The following CLSTN1 variants were observed in gnomAD, a reference collection of about 807,000 sequenced individuals.
CLSTN1 encodes the protein calsyntenin-1.
Under a neutral mutation model 108.3 loss-of-function variants are expected in CLSTN1, and 28 were observed. The observed-to-expected ratio is 0.26, with a 90% CI of 0.19 to 0.35. The LOEUF (loss-of-function observed/expected upper bound fraction) is 0.35. Ranked by LOEUF, CLSTN1 falls within the 10% of genes least tolerant of loss-of-function variation. The pLI is 1.00. For synonymous variants in CLSTN1, 524 were observed against 534.9 expected (o/e 0.98, Z 0.28); for missense variants, 1,157 against 1,302.6 (o/e 0.89, Z 1.72).
rs146218888 is a variant in CLSTN1, at chr1:9,743,874, A to G, written c.1356+10T>C. On this transcript the variant is annotated intron_variant, in intron 9 of 18. Transcript: ENST00000377298. ...GCCCGGCCCTATTAGTGCGTTTTCA[A>G]TTCACTCACCTGATTCAACTTCCAG... The G allele has an allele frequency of 1.5e-3, 2,352 of 1,613,730 alleles. 2 individuals carry two copies. The highest frequency in any genetic ancestry group is 1.8e-3 in the Non-Finnish European group (2,065 of 1,179,780).
At chr1:9,786,648 CAAAAAAAAAAAA>C (rs36003203) in intron 1 of CLSTN1, among the ~76,000 whole-genome samples, 21 of 37,092 alleles carry the variant, frequency 5.7e-4, no homozygotes, top group Non-Finnish European at 9.7e-4. Flanking sequence ...GACTCCGTCT[CAAAAAAAAAAAA>C]AAAAAAAAAA....
At chr1:9,779,013 G>A (rs565322364) in intron 1 of CLSTN1, among the ~76,000 whole-genome samples, 38 of 146,522 alleles carry the variant, frequency 2.6e-4, no homozygotes, top group South Asian at 8.6e-4. Context: ...AGAAGCGAGA[G>A]ACTTCGTCTC....
intron 4 of CLSTN1, among the ~76,000 whole-genome samples, chr1:9,752,477 C>T (rs1455564573): frequency 2.0e-5 from 3 of 152,182 alleles, no homozygotes; most frequent in Non-Finnish European, 2.9e-5. Context: ...CACCATGAGC[C>T]TCCTCATCCC....
chr1:9,751,758 T>C (rs1651572663), intron 4 of CLSTN1, 77 bp from the exon 5 acceptor site: 3 of 1,293,122 alleles, frequency 2.3e-6, no homozygotes, highest in South Asian at 2.5e-5. Context: ...TGTATGTGTG[T>C]TTACCCAATT....
intron 1 of CLSTN1, among the ~76,000 whole-genome samples, chr1:9,792,329 T>G (rs1232026420): frequency 6.6e-6 from 1 of 151,508 alleles, no homozygotes; most frequent in Non-Finnish European, 1.5e-5. Context: ...ATGCCATGGC[T>G]GGCAGTCTCT....
In CLSTN1 at chr1:9,730,806, C is replaced by G; in HGVS notation, c.2749-101G>C. On this transcript the variant is annotated intron_variant, in intron 18 of 18. Coordinates refer to ENST00000377298, the MANE Select transcript of CLSTN1 (RefSeq NM_001009566.3). The surrounding 1 kb of genome is among the most constrained non-coding windows in gnomAD (Gnocchi z 5.6). ...GCCACAGAGGAAGGAGAACTTGCCCCAGCGTCTCCCTCCCCAGCGACAGAG... is the reference window on the plus strand; with the variant it reads ...GCCACAGAGGAAGGAGAACTTGCCCGAGCGTCTCCCTCCCCAGCGACAGAG... 1 of 1,115,538 alleles carries G rather than the reference C, an allele frequency of 9.0e-7. No individual in the cohort carries two copies. Among genetic ancestry groups the G allele is most frequent in the Non-Finnish European group, 1.3e-6 (1 of 770,182 alleles). The allele number at this position is 1,115,538 out of a possible 1,614,324, so 69.1% of individuals were successfully genotyped here.
chr1:9,744,094 A>G lies in CLSTN1; in HGVS notation c.1235-89T>C, dbSNP rs72871232. On this transcript the variant is annotated intron_variant, in intron 8 of 18. Transcript: ENST00000377298. ...TTCTTGAATGGATTTTGAAGACACA[A>G]TTTCATCTGCATAAATGAACTCTTC... 58 of 1,528,846 alleles carry G rather than the reference A, an allele frequency of 3.8e-5. No homozygotes were observed. In the African/African-American group the frequency reaches 7.5e-4, roughly 20 times the overall value. The allele number at this position is 1,528,846 out of a possible 1,614,324, so 94.7% of individuals were successfully genotyped here.
chr1:9,803,210 C>T (rs1450769571), intron 1 of CLSTN1, among the ~76,000 whole-genome samples: 1 of 152,100 alleles, frequency 6.6e-6, no homozygotes, highest in Non-Finnish European at 1.5e-5. Flanking sequence ...ATTCTAAAAG[C>T]AAAGGATTCT....
chr1:9,751,292 T>C (rs973777896), intron 5 of CLSTN1, among the ~76,000 whole-genome samples, 181 bp downstream of exon 5: 12 of 152,072 alleles, frequency 7.9e-5, no homozygotes, highest in East Asian at 3.8e-4. Flanking sequence ...AGAGAAGAAG[T>C]TGTCAGGGAA....
chr1:9,773,308 T>A lies in CLSTN1; in HGVS notation c.178A>T (p.Ile60Phe), dbSNP rs1191982401. ...AGAGGCGCATCTTTATCCAGCGCGA[T>A]CAGTGGGGGGTCGAGGAGCACGGTG... The part of the protein sequence containing the change: ...DNTVLLDPPL[I>F]ALDKDAPLRF... Residue 60 changes from isoleucine to phenylalanine, a missense_variant, in exon 2 of 19, where the codon ATC becomes TTC. Physicochemically the swap from Ile to Phe is conservative, Grantham distance 21. Coordinates refer to ENST00000377298, the MANE Select transcript of CLSTN1 (RefSeq NM_001009566.3). 6.2e-7 allele frequency: 1 copy of A among 1,614,108 alleles called. No homozygotes were observed. Among genetic ancestry groups the A allele is most frequent in the South Asian group, 1.1e-5 (1 of 91,072 alleles).
chr1:9,786,961 A>C (rs1269545690), intron 1 of CLSTN1, among the ~76,000 whole-genome samples: 1 of 151,456 alleles, frequency 6.6e-6, no homozygotes, highest in African/African-American at 2.4e-5. Flanking sequence ...AGAAGGAAGC[A>C]AGGGGACCAG....
chr1:9,754,576 A>C (rs928084103), intron 4 of CLSTN1, among the ~76,000 whole-genome samples: 5 of 150,622 alleles, frequency 3.3e-5, no homozygotes, highest in Non-Finnish European at 7.4e-5. Flanking sequence ...AAACACAAAA[A>C]GGCCAGGTAC....
chr1:9,781,340 T>C (rs566995520), intron 1 of CLSTN1: 5 of 523,420 alleles, frequency 9.6e-6, no homozygotes, highest in East Asian at 6.3e-5. Flanking sequence ...TGCAGCAGTG[T>C]AGAAAAATTT....
At chr1:9,746,003 A>G (rs1651250657) in intron 7 of CLSTN1, among the ~76,000 whole-genome samples, 1 of 151,984 alleles carries the variant, frequency 6.6e-6, no homozygotes, top group Admixed American at 6.6e-5. Flanking sequence ...ACTGGGCTCA[A>G]GCGATCCATC....
At chr1:9,780,045 G>A (rs1242648963) in intron 1 of CLSTN1, among the ~76,000 whole-genome samples, 2 of 151,590 alleles carry the variant, frequency 1.3e-5, no homozygotes, top group Non-Finnish European at 2.9e-5. Flanking sequence ...AGTAGAGATG[G>A]GGTTTCACCA....
intron 2 of CLSTN1, 67 bp downstream of exon 2, chr1:9,773,205 T>C (rs1344757234): frequency 1.2e-6 from 2 of 1,602,218 alleles, no homozygotes; most frequent in Non-Finnish European, 1.7e-6. Context: ...ATTACCCAAA[T>C]GGGATGTGCA....
At chr1:9,769,062 G>A (rs200179839) in intron 2 of CLSTN1, among the ~76,000 whole-genome samples, 3 of 145,866 alleles carry the variant, frequency 2.1e-5, no homozygotes, top group Admixed American at 2.1e-4. Context: ...GGAGGGAGAG[G>A]GAGGGAGAGA....
rs1289065614 is a variant in CLSTN1, at chr1:9,773,984, C to T, written c.92-590G>A. Among the ~76,000 whole-genome samples the T allele has an allele frequency of 2.6e-5, 4 of 152,082 alleles. No homozygotes were observed. In the South Asian group the frequency reaches 6.2e-4, roughly 24 times the overall value. ...CTTGAACCCCCGGGCTCAAGTGATC[C>T]GCCTGCCTTGGCCTCCCAAAGTGTT... On this transcript the variant is annotated intron_variant, in intron 1 of 18. Transcript: ENST00000377298.
At chr1:9,789,264 C>T (rs1295243446) in intron 1 of CLSTN1, among the ~76,000 whole-genome samples, 2 of 151,344 alleles carry the variant, frequency 1.3e-5, no homozygotes, top group African/African-American at 2.4e-5. Flanking sequence ...GCCGCCATAC[C>T]GTTCTCCATA....
Sources: gnomAD v4.1 joint callset for allele counts (sites outside exome capture counted in the v4.1 genomes callset) on GRCh38, gnomAD v4.1.1 for gene constraint, Gnocchi (gnomAD v3.1) non-coding constraint, MANE v1.5 for transcripts, NCBI Gene and HGNC (gene_info 2026-07-23, HGNC 2026-07-21) for gene names.